Variants in CAMK1D observed in about 807,000 individuals in gnomAD.
The protein encoded by CAMK1D is calcium/calmodulin-dependent protein kinase type 1D.
A neutral mutation model predicts 47.7 loss-of-function variants in CAMK1D; 9 were observed. The ratio of observed to expected loss-of-function variants is 0.19; its 90% CI spans 0.11 to 0.33. The LOEUF is 0.33. Ranked by LOEUF, CAMK1D falls within the 10% of genes least tolerant of loss-of-function variation. CAMK1D has a pLI of 1.00. For synonymous variants in CAMK1D, 184 were observed against 184.9 expected (o/e 0.99, Z 0.04); for missense variants, 291 against 488.7 (o/e 0.60, Z 3.81).
intron 1 of CAMK1D, among the ~76,000 whole-genome samples, chr10:12,549,557 A>T (rs937267514): frequency 6.6e-6 from 1 of 152,218 alleles, no homozygotes; most frequent in African/African-American, 2.4e-5. Flanking sequence ...TTCTGGGTAT[A>T]GACCTAGGTG....
rs34312096 is a variant in CAMK1D at position 12,392,017 on chromosome 10, A to ACACACACACACACACACACACAC, written c.92+42107_92+42108insCACACACACACACACACACACAC. On this transcript the variant is annotated intron_variant, in intron 1 of 10. Coordinates refer to ENST00000619168, the MANE Select transcript of CAMK1D (RefSeq NM_153498.4). ...CACACACACACACACACACACACACAAACAGTCTGGGTATGGTGGCTCACA... is the reference window on the plus strand; with the variant it reads ...CACACACACACACACACACACACACACACACACACACACACACACACACAACAGTCTGGGTATGGTGGCTCACA... Among the ~76,000 whole-genome samples, 109 of 147,312 alleles carry ACACACACACACACACACACACAC rather than the reference A, an allele frequency of 7.4e-4. 1 individual carries two copies. The highest frequency in any genetic ancestry group is 2.5e-3 in the African/African-American group (101 of 40,002).
intron 1 of CAMK1D, among the ~76,000 whole-genome samples, chr10:12,471,420 G>C (rs1327569696): frequency 6.9e-6 from 1 of 145,020 alleles, no homozygotes; most frequent in Non-Finnish European, 1.5e-5. Flanking sequence ...TAGTGGCCAG[G>C]GTAGGGCTGG....
intron 1 of CAMK1D, among the ~76,000 whole-genome samples, chr10:12,535,450 G>A (rs1448779983): frequency 6.6e-6 from 1 of 152,180 alleles, no homozygotes; most frequent in African/African-American, 2.4e-5. Context: ...ATTAAGTGGT[G>A]TGTTCTCCTC....
chr10:12,358,654 GAAAGATCGT>G (rs1458481220), intron 1 of CAMK1D, among the ~76,000 whole-genome samples: 8 of 152,210 alleles, frequency 5.3e-5, no homozygotes, highest in Non-Finnish European at 1.0e-4. Flanking sequence ...TAACATAACA[GAAAGATCGT>G]TCTGGTGCAG....
intron 1 of CAMK1D, among the ~76,000 whole-genome samples, chr10:12,404,207 A>T (rs1588448312): frequency 6.6e-6 from 1 of 151,928 alleles, no homozygotes; most frequent in African/African-American, 2.4e-5. Context: ...CACCGCGCCC[A>T]GCTAATTTTG....
Position 12,825,393 on chromosome 10 carries a change from G to T in CAMK1D, c.922-180G>T, listed in dbSNP as rs114427147. Among the ~76,000 whole-genome samples the T allele has an allele frequency of 7.4e-3, 1,133 of 152,200 alleles. 15 individuals are homozygous for T. Among genetic ancestry groups the T allele is most frequent in the African/African-American group, 0.026 (1,073 of 41,548 alleles). On this transcript the variant is annotated intron_variant, in intron 9 of 10. Transcript: ENST00000619168. ...CTAAAATATTTAGTTGGGGAAAGGGGTTAATAAATCAGTGCACTTTTAGAA... is the reference window on the plus strand; with the variant it reads ...CTAAAATATTTAGTTGGGGAAAGGGTTTAATAAATCAGTGCACTTTTAGAA...
At chr10:12,486,552 C>CAT (rs34240385) in intron 1 of CAMK1D, among the ~76,000 whole-genome samples, 126 of 152,008 alleles carry the variant, frequency 8.3e-4, no homozygotes, top group South Asian at 3.3e-3. Context: ...CACACACACA[C>CAT]GTACAGACAC....
At chr10:12,552,695 T>C (rs2999981) in intron 1 of CAMK1D, among the ~76,000 whole-genome samples, 143,372 of 152,340 alleles carry the variant, frequency 0.94, 67,696 homozygotes, top group East Asian at 0.99. Context: ...CATGTCCCTT[T>C]GCAGGAAGGC....
chr10:12,476,669 G>A (rs1485291507), intron 1 of CAMK1D, among the ~76,000 whole-genome samples: 2 of 152,146 alleles, frequency 1.3e-5, no homozygotes, highest in African/African-American at 2.4e-5. Context: ...TGTTTCGAAG[G>A]TGACAGATGA....
chr10:12,791,339 T>C, intron 6 of CAMK1D, 106 bp downstream of exon 6: 2 of 964,432 alleles, frequency 2.1e-6, no homozygotes, highest in Non-Finnish European at 3.3e-6. Flanking sequence ...AGTTTAAGGG[T>C]GCAGTTCAGG....
intron 1 of CAMK1D, among the ~76,000 whole-genome samples, chr10:12,444,244 G>A (rs1389699302): frequency 6.6e-6 from 1 of 152,130 alleles, no homozygotes; most frequent in East Asian, 1.9e-4. Flanking sequence ...ATCTGGGAAT[G>A]CAGCCCAGTA....
chr10:12,584,680 C>T (rs367728655), intron 2 of CAMK1D, among the ~76,000 whole-genome samples: 39 of 152,198 alleles, frequency 2.6e-4, no homozygotes, highest in African/African-American at 8.2e-4. Context: ...ATTAGCCGGG[C>T]GTGGTGGCGT....
intron 1 of CAMK1D, among the ~76,000 whole-genome samples, chr10:12,518,099 T>C (rs2132179805): frequency 6.6e-6 from 1 of 152,368 alleles, no homozygotes; most frequent in South Asian, 2.1e-4. Context: ...TTGCCTGTTT[T>C]TTCTCAAGTG....
intron 3 of CAMK1D, among the ~76,000 whole-genome samples, chr10:12,723,025 G>A (rs1197956723): frequency 2.0e-5 from 3 of 152,124 alleles, no homozygotes; most frequent in South Asian, 2.1e-4. Context: ...AAGGTGTTCC[G>A]GAGTCCACAT....
chr10:12,672,901 T>TTTTTTTTTGTTTTTTTTTTTTTTTTG (rs1428716127), intron 3 of CAMK1D, among the ~76,000 whole-genome samples: 3 of 147,150 alleles, frequency 2.0e-5, no homozygotes, highest in South Asian at 4.6e-4. Flanking sequence ...CTTGCCTTTT[T>TTTTTTTTTGTTTTTTTTTTTTTTTTG]TTTTTTTTTT....
At chr10:12,658,756 G>A (rs376771148) in intron 2 of CAMK1D, among the ~76,000 whole-genome samples, 26 of 152,170 alleles carry the variant, frequency 1.7e-4, no homozygotes, top group African/African-American at 5.8e-4. Context: ...CAGCCGCTGG[G>A]CAGCATGACT....
At chr10:12,625,069 G>A (rs917406222) in intron 2 of CAMK1D, among the ~76,000 whole-genome samples, 1 of 151,834 alleles carries the variant, frequency 6.6e-6, no homozygotes, top group Non-Finnish European at 1.5e-5. Context: ...GGGCATGGTG[G>A]CTCATGCCTG....
At chr10:12,780,427 T>C (rs114747666) in intron 5 of CAMK1D, among the ~76,000 whole-genome samples, 256 of 152,322 alleles carry the variant, frequency 1.7e-3, no homozygotes, top group African/African-American at 5.9e-3. Flanking sequence ...GTTTTAACAT[T>C]GTGTGTTTCT....
At chr10:12,753,600 C>T (rs1183910549) in intron 3 of CAMK1D, among the ~76,000 whole-genome samples, 1 of 152,226 alleles carries the variant, frequency 6.6e-6, no homozygotes, top group Non-Finnish European at 1.5e-5. Context: ...GGCTGCCTCA[C>T]CCTTCTGCCC....
Sources: allele counts gnomAD v4.1 joint callset (sites outside exome capture counted in the v4.1 genomes callset), GRCh38; gene constraint gnomAD v4.1.1; transcripts MANE v1.5; gene names NCBI Gene and HGNC (gene_info 2026-07-23, HGNC 2026-07-21).